Variants in ZBTB20 observed in about 807,000 individuals in gnomAD.
ZBTB20 encodes zinc finger and BTB domain containing 20, also known as zinc finger and BTB domain-containing protein 20.
ZBTB20 carries 9 observed loss-of-function variants against 56.9 expected under a neutral mutation model. The ratio of observed to expected loss-of-function variants is 0.16; its 90% confidence interval spans 0.10 to 0.28. The LOEUF (loss-of-function observed/expected upper bound fraction) is 0.28. ZBTB20 is among the 10% of genes least tolerant of loss of function. The pLI is 1.00. For synonymous variants in ZBTB20, 417 were observed against 420.7 expected (o/e 0.99, Z 0.11); for missense variants, 655 against 1,003.0 (o/e 0.65, Z 4.69).
intron 6 of ZBTB20, among the ~76,000 whole-genome samples, chr3:114,652,981 A>C (rs993967569): frequency 2.0e-5 from 3 of 151,948 alleles, no homozygotes; most frequent in Admixed American, 2.0e-4. Flanking sequence ...CAATTTTTGT[A>C]TATTGATCTT....
chr3:114,521,022 A>G (rs919735008), intron 6 of ZBTB20, among the ~76,000 whole-genome samples: 2 of 152,188 alleles, frequency 1.3e-5, no homozygotes, highest in African/African-American at 4.8e-5. Flanking sequence ...CAATATTTAC[A>G]GTTAATTGGG....
At chr3:114,392,558 C>A (rs1415787847) in intron 7 of ZBTB20, among the ~76,000 whole-genome samples, 1 of 152,178 alleles carries the variant, frequency 6.6e-6, no homozygotes, top group Non-Finnish European at 1.5e-5. Context: ...TGCAGTAATT[C>A]CGTGGTTAAA....
At chr3:114,941,598 T>G (rs1229925045) in intron 3 of ZBTB20, among the ~76,000 whole-genome samples, 2 of 146,294 alleles carry the variant, frequency 1.4e-5, no homozygotes, top group Non-Finnish European at 2.9e-5. Context: ...TCAAAAGATA[T>G]CTAAAGACTC....
At chr3:114,628,988 T>C (rs757890873) in intron 6 of ZBTB20, among the ~76,000 whole-genome samples, 7 of 152,232 alleles carry the variant, frequency 4.6e-5, no homozygotes, top group Non-Finnish European at 8.8e-5. Flanking sequence ...ATTCTAGGGA[T>C]ACTTCAGAGT....
intron 6 of ZBTB20, among the ~76,000 whole-genome samples, chr3:114,593,741 T>C (rs2056037752): frequency 6.6e-6 from 1 of 152,178 alleles, no homozygotes; most frequent in Admixed American, 6.5e-5. Flanking sequence ...TGGTCATAGA[T>C]AGTCTGTTTA....
intron 4 of ZBTB20, among the ~76,000 whole-genome samples, chr3:114,857,569 C>A (rs1363937921): frequency 6.6e-6 from 1 of 152,158 alleles, no homozygotes; most frequent in Non-Finnish European, 1.5e-5. Flanking sequence ...GCACACAATG[C>A]TCTATGCTGA....
intron 2 of ZBTB20, among the ~76,000 whole-genome samples, chr3:114,980,074 A>G (rs2078268893): frequency 6.6e-6 from 1 of 152,050 alleles, no homozygotes; most frequent in South Asian, 2.1e-4. Context: ...TAGGTACTAA[A>G]TACTGTTTTT....
intron 5 of ZBTB20, among the ~76,000 whole-genome samples, chr3:114,714,213 T>C (rs551502875): frequency 1.3e-5 from 2 of 152,340 alleles, no homozygotes; most frequent in East Asian, 3.9e-4. Context: ...AGCTTTTTCT[T>C]CCATGAAACC....
intron 3 of ZBTB20, among the ~76,000 whole-genome samples, chr3:114,943,458 T>C (rs921654633): frequency 1.4e-5 from 2 of 145,642 alleles, no homozygotes; most frequent in South Asian, 4.3e-4. Flanking sequence ...TTATCAGATA[T>C]AGTCTTTTAA....
chr3:114,763,778 A>C (rs2068598802), intron 5 of ZBTB20, among the ~76,000 whole-genome samples: 2 of 152,184 alleles, frequency 1.3e-5, no homozygotes, highest in African/African-American at 2.4e-5. Flanking sequence ...TCTAAAATGC[A>C]TACACAGATC....
intron 6 of ZBTB20, among the ~76,000 whole-genome samples, chr3:114,620,802 T>C (rs1408627575): frequency 6.6e-6 from 1 of 152,160 alleles, no homozygotes; most frequent in African/African-American, 2.4e-5. Context: ...TAAAAGCATA[T>C]ATAAATGCTA....
intron 7 of ZBTB20, among the ~76,000 whole-genome samples, chr3:114,410,818 C>T (rs954473105): frequency 9.2e-5 from 14 of 151,958 alleles, no homozygotes; most frequent in African/African-American, 4.8e-5. Flanking sequence ...ATTTGAGGTC[C>T]GGAGGAGAGG....
chr3:115,087,954 A>T (rs2083049084), intron 1 of ZBTB20, among the ~76,000 whole-genome samples: 1 of 151,948 alleles, frequency 6.6e-6, no homozygotes, highest in Admixed American at 6.6e-5. Flanking sequence ...GTTGTGTTAA[A>T]GTGCTTATTT....
At chr3:114,887,311 A>G (rs2076638435) in intron 4 of ZBTB20, among the ~76,000 whole-genome samples, 2 of 152,154 alleles carry the variant, frequency 1.3e-5, no homozygotes, top group South Asian at 2.1e-4. Flanking sequence ...GATATTTACT[A>G]CCAAAAAATA....
chr3:114,640,820 GTTTAT>G (rs2059522032), intron 6 of ZBTB20, among the ~76,000 whole-genome samples: 2 of 152,030 alleles, frequency 1.3e-5, no homozygotes, highest in South Asian at 2.1e-4. Context: ...ATCAGAAAAA[GTTTAT>G]TTTAAGATGA....
intron 1 of ZBTB20, among the ~76,000 whole-genome samples, chr3:115,131,508 C>T (rs2084504931): frequency 6.6e-6 from 1 of 152,068 alleles, no homozygotes; most frequent in African/African-American, 2.4e-5. Context: ...CTAGCATTAC[C>T]TTGTTAATGG....
intron 7 of ZBTB20, among the ~76,000 whole-genome samples, chr3:114,412,679 T>C (rs1270311887): frequency 6.6e-6 from 1 of 152,150 alleles, no homozygotes; most frequent in Non-Finnish European, 1.5e-5. Flanking sequence ...GTCAAAACAG[T>C]AGCCCCAACC....
intron 6 of ZBTB20, among the ~76,000 whole-genome samples, chr3:114,541,805 A>G (rs1232127417): frequency 3.3e-5 from 5 of 152,180 alleles, no homozygotes; most frequent in Non-Finnish European, 5.9e-5. Flanking sequence ...TAATACTATT[A>G]ATAGGACTAG....
At chr3:114,733,196 G>A (rs1175070522) in intron 5 of ZBTB20, among the ~76,000 whole-genome samples, 2 of 152,078 alleles carry the variant, frequency 1.3e-5, no homozygotes, top group Admixed American at 6.6e-5. Flanking sequence ...AGACTTACGG[G>A]TTCTATGAAT....
Sources: allele counts gnomAD v4.1 joint callset (sites outside exome capture counted in the v4.1 genomes callset), GRCh38; gene constraint gnomAD v4.1.1; transcripts MANE v1.5; gene names NCBI Gene and HGNC (gene_info 2026-07-23, HGNC 2026-07-21).